CPVL: variants seen among roughly 807,000 people sequenced by gnomAD.
CPVL encodes probable serine carboxypeptidase CPVL.
In CPVL, 51 loss-of-function variants were observed where a neutral mutation model predicts 63.7. That is an observed-to-expected ratio of 0.80 (90% confidence interval 0.64 to 1.01). The LOEUF is 1.01. Among genes scored for constraint, CPVL ranks in the 50% least tolerant of loss-of-function variants. CPVL has a pLI of 0.00. For missense variants in CPVL, 530 were observed against 573.1 expected, an observed-to-expected ratio of 0.92 and a Z score of 0.77; for synonymous variants, 195 against 206.0, an observed-to-expected ratio of 0.95 and a Z score of 0.46.
intron 5 of CPVL, among the ~76,000 whole-genome samples, chr7:29,157,068 G>A (rs1794478120): frequency 6.6e-6 from 1 of 152,136 alleles, no homozygotes; most frequent in Non-Finnish European, 1.5e-5. Flanking sequence ...CCTCCTAGCT[G>A]CACCGACAAA....
chr7:29,004,520 G>A (rs547851390), intron 12 of CPVL, among the ~76,000 whole-genome samples: 6 of 152,314 alleles, frequency 3.9e-5, no homozygotes, highest in African/African-American at 1.2e-4. Flanking sequence ...CTTTCCTTGG[G>A]CAGTATAGTT....
At chr7:29,126,725 A>G (rs1457392084) in intron 1 of CPVL, 1 of 152,248 alleles carries the variant, frequency 6.6e-6, no homozygotes, top group Non-Finnish European at 1.5e-5. Flanking sequence ...CTTTCATATA[A>G]TAACCATTGT....
intron 5 of CPVL, among the ~76,000 whole-genome samples, chr7:29,177,401 A>C (rs558253328): frequency 1.8e-4 from 28 of 151,940 alleles, no homozygotes; most frequent in Non-Finnish European, 4.0e-4. Flanking sequence ...TTACAGGTGC[A>C]CACCACAATG....
intron 11 of CPVL, among the ~76,000 whole-genome samples, chr7:29,052,979 A>G (rs547861219): frequency 6.6e-6 from 1 of 152,304 alleles, no homozygotes; most frequent in East Asian, 1.9e-4. Context: ...TTAATTAGCA[A>G]CCCAATTAAT....
At chr7:29,125,645 G>A (rs1408496458) in intron 1 of CPVL, among the ~76,000 whole-genome samples, 8 of 151,912 alleles carry the variant, frequency 5.3e-5, no homozygotes, top group African/African-American at 1.5e-4. Context: ...CACCCGCCTC[G>A]GCCTCCCAAA....
At chr7:29,005,786 C>G (rs1785136127) in intron 12 of CPVL, among the ~76,000 whole-genome samples, 1 of 152,168 alleles carries the variant, frequency 6.6e-6, no homozygotes, top group Admixed American at 6.5e-5. Context: ...TCAAGATTTC[C>G]CATCCTCATT....
intron 9 of CPVL, among the ~76,000 whole-genome samples, chr7:29,068,007 CTTT>C (rs773666067): frequency 1.4e-5 from 2 of 141,342 alleles, no homozygotes; most frequent in Admixed American, 7.1e-5. Flanking sequence ...TATTCATATT[CTTT>C]TTTTTTTTTT....
intron 6 of CPVL, among the ~76,000 whole-genome samples, chr7:29,090,287 T>C (rs946402681): frequency 2.0e-5 from 3 of 152,186 alleles, no homozygotes; most frequent in Non-Finnish European, 2.9e-5. Flanking sequence ...TGCTGCTCTG[T>C]TGGAACCCGT....
At chr7:29,017,556 C>T (rs1786537580) in intron 12 of CPVL, among the ~76,000 whole-genome samples, 1 of 152,190 alleles carries the variant, frequency 6.6e-6, no homozygotes, top group South Asian at 2.1e-4. Flanking sequence ...TCACTTGCAC[C>T]TGGGAGGTGG....
intron 12 of CPVL, among the ~76,000 whole-genome samples, chr7:29,023,813 C>G (rs748508997): frequency 6.6e-6 from 1 of 152,142 alleles, no homozygotes; most frequent in Non-Finnish European, 1.5e-5. Context: ...CCCTACACAA[C>G]CAACCCTACA....
At chr7:29,028,310 C>T (rs980830100) in intron 12 of CPVL, among the ~76,000 whole-genome samples, 7 of 152,054 alleles carry the variant, frequency 4.6e-5, no homozygotes, top group East Asian at 1.9e-4. Context: ...AAACGAAACC[C>T]CTATCTCTCA....
At chr7:29,059,684 G>C (rs1791083030) in intron 11 of CPVL, among the ~76,000 whole-genome samples, 1 of 152,084 alleles carries the variant, frequency 6.6e-6, no homozygotes, top group East Asian at 1.9e-4. Context: ...TACAAGAAAA[G>C]TCCCTCAACA....
chr7:29,135,103 CAAAA>C (rs56954460), intron 1 of CPVL, among the ~76,000 whole-genome samples: 19 of 121,310 alleles, frequency 1.6e-4, no homozygotes, highest in East Asian at 2.4e-4. Flanking sequence ...GACCTTGCCT[CAAAA>C]AAAAAAAAAA....
intron 1 of CPVL, among the ~76,000 whole-genome samples, chr7:29,126,080 A>G (rs368340425): frequency 1.3e-5 from 2 of 152,254 alleles, no homozygotes; most frequent in South Asian, 2.1e-4. Context: ...ATTTTAAAAC[A>G]TATGTTCAAA....
chr7:29,164,772 C>A (rs1269539725), intron 5 of CPVL, among the ~76,000 whole-genome samples: 3 of 120,644 alleles, frequency 2.5e-5, no homozygotes, highest in Non-Finnish European at 5.0e-5. Flanking sequence ...CAGAGCAAGA[C>A]CTGTCTCAAA....
At chr7:29,144,545 G>C (rs1792242464) in intron 1 of CPVL, among the ~76,000 whole-genome samples, 1 of 152,088 alleles carries the variant, frequency 6.6e-6, no homozygotes, top group South Asian at 2.1e-4. Flanking sequence ...GACAAAGTGA[G>C]ACTCTTGTCT....
At chr7:29,068,415 G>A (rs1239103452) in intron 9 of CPVL, among the ~76,000 whole-genome samples, 17 of 152,188 alleles carry the variant, frequency 1.1e-4, no homozygotes, top group Non-Finnish European at 2.5e-4. Context: ...ATAGAAGGCG[G>A]TGTGGGTGGA....
intron 12 of CPVL, among the ~76,000 whole-genome samples, chr7:29,001,982 G>C (rs1352506474): frequency 1.3e-5 from 2 of 152,174 alleles, no homozygotes; most frequent in Non-Finnish European, 2.9e-5. Context: ...AGGTATCAGA[G>C]AGCAACCAAG....
Position 29,072,713 on chromosome 7 carries a change from G to C in CPVL, c.610-290C>G, listed in dbSNP as rs78183431. 1.2e-4 allele frequency among the ~76,000 whole-genome samples: 19 copies of C among 152,174 alleles called. No homozygotes were observed. The East Asian group carries it at 3.7e-3, about 29-fold the overall frequency. ...TTCCTTCCAAAATAAAATAACTTGGGAGAACACAATTCTGCCATGTGTTAG... is the reference window on the plus strand; with the variant it reads ...TTCCTTCCAAAATAAAATAACTTGGCAGAACACAATTCTGCCATGTGTTAG... On this transcript the variant is annotated intron_variant, in intron 7 of 12. Transcript: ENST00000265394.
Sources: gnomAD v4.1 joint callset for allele counts (sites outside exome capture counted in the v4.1 genomes callset) on GRCh38, gnomAD v4.1.1 for gene constraint, MANE v1.5 for transcripts, NCBI Gene and HGNC (gene_info 2026-07-23, HGNC 2026-07-21) for gene names.